Variants in GALNT18 observed in about 807,000 individuals in gnomAD.
GALNT18 encodes the protein GalNAc-transferase 18.
A neutral mutation model predicts 69.5 loss-of-function variants in GALNT18; 44 were observed. That is an observed-to-expected ratio of 0.63 (90% CI 0.50 to 0.81). GALNT18 has a LOEUF of 0.81. Among genes scored for constraint, GALNT18 ranks in the 40% least tolerant of loss-of-function variants. The pLI is 0.00. For synonymous variants in GALNT18, 364 were observed against 318.2 expected (o/e 1.14, Z -1.53); for missense variants, 715 against 810.0 (o/e 0.88, Z 1.42).
chr11:11,452,978 G>A (rs1464389588), intron 1 of GALNT18, among the ~76,000 whole-genome samples: 1 of 152,206 alleles, frequency 6.6e-6, no homozygotes, highest in African/African-American at 2.4e-5. Flanking sequence ...CAGAGAGTGT[G>A]AAGGGGAGTA....
chr11:11,581,747 T>C (rs61870383), intron 1 of GALNT18, among the ~76,000 whole-genome samples: 19,956 of 152,132 alleles, frequency 0.13, 1,374 homozygotes, highest in Admixed American at 0.18. Context: ...AAAGAATGCA[T>C]GTGGCTGCTG....
intron 10 of GALNT18, among the ~76,000 whole-genome samples, chr11:11,272,200 TTGTG>T (rs898888663): frequency 2.1e-4 from 32 of 152,228 alleles, no homozygotes; most frequent in Non-Finnish European, 3.4e-4. Context: ...TCTCAGGTAT[TTGTG>T]TGAGAAACAT....
At chr11:11,452,950 C>T (rs1855838042) in intron 1 of GALNT18, among the ~76,000 whole-genome samples, 1 of 152,212 alleles carries the variant, frequency 6.6e-6, no homozygotes, top group Non-Finnish European at 1.5e-5. Flanking sequence ...GCACAATGAA[C>T]TCTGTGAGCT....
chr11:11,574,852 G>T (rs752819278), intron 1 of GALNT18, among the ~76,000 whole-genome samples: 1 of 152,186 alleles, frequency 6.6e-6, no homozygotes, highest in African/African-American at 2.4e-5. Flanking sequence ...CGTTCATAAA[G>T]GTTTGCTGCT....
rs987843027 is a variant in GALNT18 at position 11,617,850 on chromosome 11, G to T, written c.235+3509C>A. On this transcript the variant is annotated intron_variant, in intron 1 of 10. Coordinates refer to ENST00000227756, the MANE Select transcript of GALNT18 (RefSeq NM_198516.3). This position sits in a 1 kb window ranked among gnomAD's most constrained non-coding sequence, Gnocchi z 4.7. Reference sequence around the variant, plus strand: ...TCCGCCTCACCGTGTCAAGCCATCAGATCTTTCTACTCCTAAGATGGAGAG... The same window carrying T: ...TCCGCCTCACCGTGTCAAGCCATCATATCTTTCTACTCCTAAGATGGAGAG... 1.3e-5 allele frequency among the ~76,000 whole-genome samples: 2 copies of T among 152,098 alleles called. No individual in the cohort carries two copies. Among genetic ancestry groups the T allele is most frequent in the Non-Finnish European group, 2.9e-5 (2 of 68,030 alleles).
intron 1 of GALNT18, among the ~76,000 whole-genome samples, chr11:11,490,829 C>G (rs900582349): frequency 6.6e-6 from 1 of 152,218 alleles, no homozygotes; most frequent in African/African-American, 2.4e-5. Flanking sequence ...CTGGGTCTCC[C>G]TAATGAAACT....
rs1850028227 is a variant in GALNT18 at position 11,332,249 on chromosome 11, A to G, written c.1416+445T>C. On this transcript the variant is annotated intron_variant, in intron 8 of 10. Transcript: ENST00000227756. This position sits in a 1 kb window ranked among gnomAD's most constrained non-coding sequence, Gnocchi z 4.3. The stretch of plus-strand genomic sequence containing the variant: ...ATACAGCAAATAAAATAAATTCAAG[A>G]TGGCTCTGTCTCTAGAACTCTTCTC... Among the ~76,000 whole-genome samples the G allele has an allele frequency of 2.0e-5, 3 of 152,102 alleles. No individual in the cohort carries two copies. The South Asian group carries it at 6.2e-4, about 31-fold the overall frequency.
At chr11:11,504,931 C>T (rs552809279) in intron 1 of GALNT18, among the ~76,000 whole-genome samples, 2 of 152,266 alleles carry the variant, frequency 1.3e-5, no homozygotes, top group African/African-American at 4.8e-5. Flanking sequence ...TTATTGACTG[C>T]CTCATCTGGG....
chr11:11,425,077 G>A (rs554447529), intron 3 of GALNT18, among the ~76,000 whole-genome samples: 2 of 152,200 alleles, frequency 1.3e-5, no homozygotes, highest in African/African-American at 2.4e-5. Flanking sequence ...ATGTAGGTCC[G>A]CAGTTTCCTC....
chr11:11,551,719 C>A (rs1181481248), intron 1 of GALNT18, among the ~76,000 whole-genome samples: 1 of 152,232 alleles, frequency 6.6e-6, no homozygotes, highest in Non-Finnish European at 1.5e-5. Context: ...GACCACCAAA[C>A]AGGCTTTGTG....
chr11:11,467,436 C>T (rs1856177101), intron 1 of GALNT18, among the ~76,000 whole-genome samples: 2 of 152,208 alleles, frequency 1.3e-5, no homozygotes, highest in Admixed American at 1.3e-4. Flanking sequence ...TCCCAGCTTC[C>T]AGCAACATCC....
intron 9 of GALNT18, among the ~76,000 whole-genome samples, chr11:11,321,791 G>A (rs1323587669): frequency 6.6e-6 from 1 of 152,192 alleles, no homozygotes; most frequent in Non-Finnish European, 1.5e-5. Context: ...TTTTAGTAGA[G>A]ACAGGGTTTT....
chr11:11,509,826 T>C (rs998162793), intron 1 of GALNT18, among the ~76,000 whole-genome samples: 17 of 152,240 alleles, frequency 1.1e-4, no homozygotes, highest in African/African-American at 4.1e-4. Context: ...TACTCCATCC[T>C]CTGTGGGAAA....
At chr11:11,569,581 C>T (rs1323553200) in intron 1 of GALNT18, among the ~76,000 whole-genome samples, 3 of 152,178 alleles carry the variant, frequency 2.0e-5, no homozygotes, top group Admixed American at 6.5e-5. Flanking sequence ...TGAGTGGACC[C>T]ATATTCTATC....
chr11:11,442,148 A>G (rs1855543295), intron 2 of GALNT18, among the ~76,000 whole-genome samples: 2 of 152,148 alleles, frequency 1.3e-5, no homozygotes, highest in South Asian at 4.1e-4. Context: ...CAGCAACTTG[A>G]GGCTGCTCAC....
chr11:11,418,724 T>A (rs1949318557), intron 3 of GALNT18, among the ~76,000 whole-genome samples: 1 of 152,204 alleles, frequency 6.6e-6, no homozygotes, highest in Admixed American at 6.5e-5. Flanking sequence ...GCGTGATGGC[T>A]GACACTTGAG....
chr11:11,374,245 G>A (rs1486983854), intron 5 of GALNT18, among the ~76,000 whole-genome samples: 1 of 152,146 alleles, frequency 6.6e-6, no homozygotes, highest in African/African-American at 2.4e-5. Context: ...CCTTCCGGAT[G>A]CATGTCTCTA....
chr11:11,429,056 C>A (rs769497418), intron 3 of GALNT18, among the ~76,000 whole-genome samples: 3 of 152,202 alleles, frequency 2.0e-5, no homozygotes, highest in Non-Finnish European at 4.4e-5. Context: ...AAAATCTCCC[C>A]TCACTGCCTG....
chr11:11,369,547 G>C (rs1271595172), intron 6 of GALNT18, among the ~76,000 whole-genome samples: 1 of 152,152 alleles, frequency 6.6e-6, no homozygotes, highest in African/African-American at 2.4e-5. Flanking sequence ...AAGGACCTCT[G>C]GTTTCAAATG....
Sources: gnomAD v4.1 joint callset for allele counts (sites outside exome capture counted in the v4.1 genomes callset) on GRCh38, gnomAD v4.1.1 for gene constraint, Gnocchi (gnomAD v3.1) non-coding constraint, MANE v1.5 for transcripts, NCBI Gene and HGNC (gene_info 2026-07-23, HGNC 2026-07-21) for gene names.